The following RSRC1 variants were observed in gnomAD, a reference collection of about 807,000 sequenced individuals.
RSRC1 encodes the protein arginine and serine rich coiled-coil 1, also known as serine/Arginine-related protein 53.
A neutral mutation model predicts 49.1 loss-of-function variants in RSRC1; 39 were observed. That is an observed-to-expected ratio of 0.79 (90% CI 0.61 to 1.04). The LOEUF (loss-of-function observed/expected upper bound fraction) is 1.04, where lower values mean the gene tolerates loss of function less well. Ranked by LOEUF, RSRC1 falls within the 50% of genes least tolerant of loss-of-function variation. The pLI, the probability that RSRC1 is intolerant of heterozygous loss-of-function variation, is 0.00. For synonymous variants in RSRC1, 143 were observed against 130.8 expected, an observed-to-expected ratio of 1.09 and a Z score of -0.63; for missense variants, 388 against 402.4, an observed-to-expected ratio of 0.96 and a Z score of 0.31.
At chr3:158,472,608 A>G (rs1443897290) in intron 7 of RSRC1, among the ~76,000 whole-genome samples, 1 of 152,130 alleles carries the variant, frequency 6.6e-6, no homozygotes, top group African/African-American at 2.4e-5. Context: ...CTCATACTGT[A>G]AATATAAAAG....
chr3:158,175,531 G>C (rs964082006), intron 3 of RSRC1, among the ~76,000 whole-genome samples: 1 of 151,908 alleles, frequency 6.6e-6, no homozygotes, highest in African/African-American at 2.4e-5. Context: ...TTATTGAAAA[G>C]ACCTTCCTTT....
intron 7 of RSRC1, among the ~76,000 whole-genome samples, chr3:158,531,026 T>C (rs998472095): frequency 2.6e-5 from 4 of 151,200 alleles, no homozygotes; most frequent in Non-Finnish European, 5.9e-5. Context: ...GAAGTTTTAT[T>C]TTTTAATGGT....
At chr3:158,358,090 G>A (rs1238563400) in intron 6 of RSRC1, among the ~76,000 whole-genome samples, 1 of 152,066 alleles carries the variant, frequency 6.6e-6, no homozygotes, top group Non-Finnish European at 1.5e-5. Flanking sequence ...ATTCTGAAAG[G>A]CATATGAAGG....
chr3:158,165,897 A>G (rs1445588419), intron 3 of RSRC1, among the ~76,000 whole-genome samples: 2 of 152,158 alleles, frequency 1.3e-5, no homozygotes, highest in African/African-American at 2.4e-5. Context: ...ACAATCATCT[A>G]ATTTGCTCCT....
intron 5 of RSRC1, among the ~76,000 whole-genome samples, chr3:158,299,990 G>A (rs1413205595): frequency 6.6e-6 from 1 of 152,018 alleles, no homozygotes; most frequent in Admixed American, 6.6e-5. Flanking sequence ...AGAGTACTCT[G>A]GCTAAAAATA....
At chr3:158,127,363 TA>T (rs1472211381) in intron 3 of RSRC1, among the ~76,000 whole-genome samples, 1 of 152,058 alleles carries the variant, frequency 6.6e-6, no homozygotes, top group Non-Finnish European at 1.5e-5. Context: ...CACTTTTCTT[TA>T]TTCTTTTTCT....
At chr3:158,157,831 C>T (rs952119123) in intron 3 of RSRC1, among the ~76,000 whole-genome samples, 11 of 152,106 alleles carry the variant, frequency 7.2e-5, no homozygotes, top group Non-Finnish European at 1.5e-4. Context: ...AGGAGAATAG[C>T]TTGAACCCCG....
At chr3:158,332,149 T>C (rs73168799) in intron 5 of RSRC1, among the ~76,000 whole-genome samples, 33,042 of 152,030 alleles carry the variant, frequency 0.22, 4,171 homozygotes, top group Non-Finnish European at 0.29. Flanking sequence ...TTACTTTGGC[T>C]CTACATTAGA....
At chr3:158,216,125 G>A (rs751192042) in intron 4 of RSRC1, among the ~76,000 whole-genome samples, 4 of 151,342 alleles carry the variant, frequency 2.6e-5, no homozygotes, top group Non-Finnish European at 4.4e-5. Flanking sequence ...TATTAGGTTG[G>A]TGCAGAAGTA....
intron 4 of RSRC1, among the ~76,000 whole-genome samples, chr3:158,284,216 A>G (rs1473076305): frequency 4.5e-4 from 68 of 152,088 alleles, no homozygotes; most frequent in Admixed American, 1.4e-3. Flanking sequence ...TACAAAGGAC[A>G]TGAACTCATC....
chr3:158,322,729 C>G (rs1347908440), intron 5 of RSRC1, among the ~76,000 whole-genome samples: 3 of 152,128 alleles, frequency 2.0e-5, no homozygotes, highest in African/African-American at 7.2e-5. Context: ...TCTAGGACTT[C>G]AATTACATGT....
intron 6 of RSRC1, among the ~76,000 whole-genome samples, chr3:158,356,515 C>G (rs1373434012): frequency 6.6e-6 from 1 of 151,560 alleles, no homozygotes; most frequent in Non-Finnish European, 1.5e-5. Flanking sequence ...CTCCTTATTA[C>G]TCTAAAAATA....
chr3:158,156,119 T>C (rs1051894269), intron 3 of RSRC1, among the ~76,000 whole-genome samples: 1 of 152,220 alleles, frequency 6.6e-6, no homozygotes, highest in Non-Finnish European at 1.5e-5. Flanking sequence ...TCATCAGTTA[T>C]CTTAGCTGTA....
intron 7 of RSRC1, among the ~76,000 whole-genome samples, chr3:158,470,321 AAC>A (rs375305594): frequency 0.054 from 7,439 of 136,688 alleles, 218 homozygotes; most frequent in Middle Eastern, 0.074. Context: ...TGCTCTTAGA[AAC>A]ACACACACAC....
chr3:158,465,201 G>C (rs538269850), intron 7 of RSRC1, among the ~76,000 whole-genome samples: 1 of 151,972 alleles, frequency 6.6e-6, no homozygotes, highest in Non-Finnish European at 1.5e-5. Context: ...TTTCCCCTAC[G>C]GACTGCCTGG....
chr3:158,240,958 T>C (rs972383932), intron 4 of RSRC1, among the ~76,000 whole-genome samples: 3 of 152,204 alleles, frequency 2.0e-5, no homozygotes, highest in Admixed American at 1.3e-4. Context: ...TATTACAGCA[T>C]ATTATTATAA....
intron 3 of RSRC1, among the ~76,000 whole-genome samples, chr3:158,152,017 A>G (rs1717569949): frequency 6.6e-6 from 1 of 152,062 alleles, no homozygotes; most frequent in South Asian, 2.1e-4. Context: ...ATCTCTGTCT[A>G]GTGTATTTGT....
At chr3:158,119,057 T>G (rs1486611750) in intron 1 of RSRC1, among the ~76,000 whole-genome samples, 5 of 152,232 alleles carry the variant, frequency 3.3e-5, no homozygotes, top group Non-Finnish European at 5.9e-5. Flanking sequence ...CTTCTTTGAT[T>G]CATTTTTCTC....
chr3:158,246,254 C>T (rs1287575724), intron 4 of RSRC1, among the ~76,000 whole-genome samples: 3 of 74,906 alleles, frequency 4.0e-5, no homozygotes, highest in Admixed American at 1.6e-4. Flanking sequence ...TTGTGGGGTG[C>T]GGGGAGGGGG....
Sources: gnomAD v4.1 joint callset for allele counts (sites outside exome capture counted in the v4.1 genomes callset) on GRCh38, gnomAD v4.1.1 for gene constraint, MANE v1.5 for transcripts, NCBI Gene and HGNC (gene_info 2026-07-23, HGNC 2026-07-21) for gene names.